SLC24A4: variants seen among roughly 807,000 people sequenced by gnomAD.
The protein encoded by SLC24A4 is solute carrier family 24 member 4, also known as sodium/potassium/calcium exchanger 4.
Under a neutral mutation model 79.0 loss-of-function variants are expected in SLC24A4, and 53 were observed. The ratio of observed to expected loss-of-function variants is 0.67; its 90% CI spans 0.54 to 0.84. The LOEUF (loss-of-function observed/expected upper bound fraction) is 0.84. SLC24A4 is among the 40% of genes least tolerant of loss of function. The probability of loss-of-function intolerance (pLI) is 0.00; values close to 1 mark genes in which losing one functional copy is unlikely to be tolerated. For missense variants in SLC24A4, 731 were observed against 822.0 expected, an observed-to-expected ratio of 0.89 and a Z score of 1.35; for synonymous variants, 323 against 323.8, an observed-to-expected ratio of 1.00 and a Z score of 0.03.
At chr14:92,489,288 A>T (rs1457834680) in intron 14 of SLC24A4, among the ~76,000 whole-genome samples, 1 of 152,078 alleles carries the variant, frequency 6.6e-6, no homozygotes, top group Admixed American at 6.5e-5. Context: ...AAATAAAAAA[A>T]ATTAGCCAGG....
intron 16 of SLC24A4, among the ~76,000 whole-genome samples, chr14:92,493,116 G>A (rs78739077): frequency 6.6e-6 from 1 of 152,034 alleles, no homozygotes; most frequent in African/African-American, 2.4e-5. Flanking sequence ...AAGCACAGGG[G>A]TCATCCAGCT....
chr14:92,427,109 C>G (rs775853907), intron 2 of SLC24A4, among the ~76,000 whole-genome samples: 1 of 152,204 alleles, frequency 6.6e-6, no homozygotes, highest in Non-Finnish European at 1.5e-5. Context: ...AATGTTCTGC[C>G]TGGTAAGACT....
chr14:92,380,018 G>C (rs1368475065), intron 2 of SLC24A4, among the ~76,000 whole-genome samples: 1 of 152,176 alleles, frequency 6.6e-6, no homozygotes, highest in Non-Finnish European at 1.5e-5. Flanking sequence ...CCTCCCACCA[G>C]CACAGCCAAT....
intron 2 of SLC24A4, among the ~76,000 whole-genome samples, chr14:92,341,662 C>T (rs1886150149): frequency 1.3e-5 from 2 of 152,134 alleles, no homozygotes; most frequent in Non-Finnish European, 2.9e-5. Context: ...GCTTGCCTCC[C>T]CTAAAGTGCT....
chr14:92,390,840 G>T (rs538684770), intron 2 of SLC24A4, among the ~76,000 whole-genome samples: 6 of 152,342 alleles, frequency 3.9e-5, no homozygotes, highest in African/African-American at 7.2e-5. Context: ...ATGCCAGCTG[G>T]TGCAGTAGGC....
At position 92,337,585 on chromosome 14, in the gene SLC24A4, A is replaced by G. The variant is rs532385181; in HGVS notation, c.241+11607A>G. Among the ~76,000 whole-genome samples, 82 of 152,322 alleles carry G rather than the reference A, an allele frequency of 5.4e-4. 2 individuals are homozygous for G. In the South Asian group the frequency reaches 0.016, roughly 30 times the overall value. ...CTGGAGCCAAACTATCTGGTTTCCA[A>G]TCCTGCTCCTGCCCTTGCTGTATTT... On this transcript the variant is annotated intron_variant, in intron 2 of 16. Coordinates refer to ENST00000532405, the MANE Select transcript of SLC24A4 (RefSeq NM_153646.4).
At chr14:92,415,763 GT>G (rs887132430) in intron 2 of SLC24A4, among the ~76,000 whole-genome samples, 40 of 151,136 alleles carry the variant, frequency 2.6e-4, no homozygotes, top group Non-Finnish European at 1.5e-5. Flanking sequence ...CGGCCTCTAT[GT>G]TTTTATTTTT....
At chr14:92,405,441 G>A (rs67253851) in intron 2 of SLC24A4, among the ~76,000 whole-genome samples, 9,991 of 152,268 alleles carry the variant, frequency 0.066, 439 homozygotes, top group Non-Finnish European at 0.093. Context: ...GCATACAGTA[G>A]CAAAGGTTGA....
At chr14:92,326,630 A>G (rs1179561800) in intron 2 of SLC24A4, among the ~76,000 whole-genome samples, 2 of 152,220 alleles carry the variant, frequency 1.3e-5, no homozygotes, top group Admixed American at 1.3e-4. Flanking sequence ...GAAGATTATC[A>G]GGAGAAGACA....
At chr14:92,448,308 T>C (rs1025345265) in intron 9 of SLC24A4, among the ~76,000 whole-genome samples, 2 of 143,632 alleles carry the variant, frequency 1.4e-5, no homozygotes. Flanking sequence ...GTAGTTAGAA[T>C]GGTTAATGTT....
chr14:92,358,538 C>A (rs1388184759), intron 2 of SLC24A4, among the ~76,000 whole-genome samples: 1 of 150,198 alleles, frequency 6.7e-6, no homozygotes, highest in African/African-American at 2.5e-5. Flanking sequence ...GCTGGCCTCC[C>A]AGACACCTCC....
chr14:92,453,695 C>T (rs1893283351), intron 10 of SLC24A4: 2 of 527,670 alleles, frequency 3.8e-6, no homozygotes, highest in South Asian at 2.8e-5. Flanking sequence ...GGGCTTCACA[C>T]ACTAGGTCAG....
rs1406033367 is a variant in SLC24A4, at chr14:92,498,386, G to GT, written c.*4760dup. 1 of 152,182 alleles carries GT rather than the reference G, an allele frequency of 6.6e-6. No homozygotes were observed. Among genetic ancestry groups the GT allele is most frequent in the Non-Finnish European group, 1.5e-5 (1 of 68,068 alleles). The allele number at this position is 152,182 out of a possible 1,614,324, so 9.4% of individuals were successfully genotyped here. ...AGGACAGAGAACACGGGATTCTGCT[G>GT]TTCGCTTTGAGCCACAGCCTTTACC... On this transcript the variant is annotated 3_prime_UTR_variant, in exon 17 of 17. Coordinates refer to ENST00000532405, the MANE Select transcript of SLC24A4 (RefSeq NM_153646.4).
At chr14:92,492,326 C>A in intron 16 of SLC24A4, 86 bp downstream of exon 16, 1 of 1,264,364 alleles carries the variant, frequency 7.9e-7, no homozygotes, top group Non-Finnish European at 1.1e-6. Context: ...ACTCTGTACA[C>A]CCCTGTCACT....
intron 2 of SLC24A4, among the ~76,000 whole-genome samples, chr14:92,419,621 A>G (rs1891170422): frequency 6.6e-6 from 1 of 152,204 alleles, no homozygotes; most frequent in Non-Finnish European, 1.5e-5. Context: ...GACACTTTTG[A>G]TAGAAGGGGT....
intron 2 of SLC24A4, among the ~76,000 whole-genome samples, chr14:92,327,917 C>T (rs1885241518): frequency 6.6e-6 from 1 of 152,184 alleles, no homozygotes; most frequent in Admixed American, 6.5e-5. Context: ...TTCCAGAATA[C>T]AGCCTGGCCC....
chr14:92,428,864 G>A (rs1205733113), intron 2 of SLC24A4, among the ~76,000 whole-genome samples: 1 of 152,230 alleles, frequency 6.6e-6, no homozygotes, highest in Non-Finnish European at 1.5e-5. Context: ...CCAAAAGTGG[G>A]ATCACCCGAC....
Position 92,495,803 on chromosome 14 carries a change from T to C in SLC24A4, c.*2175T>C, listed in dbSNP as rs1167982386. 6.6e-6 allele frequency: 1 copy of C among 152,182 alleles called. No individual in the cohort carries two copies. The highest frequency in any genetic ancestry group is 6.5e-5 in the Admixed American group (1 of 15,274). 9.4% of individuals were successfully genotyped at this position (152,182 alleles called of 1,614,324 possible). On this transcript the variant is annotated 3_prime_UTR_variant, in exon 17 of 17. Coordinates refer to ENST00000532405, the MANE Select transcript of SLC24A4 (RefSeq NM_153646.4). Reference sequence around the variant, plus strand: ...AAGTTGGCCACACTTGGGGAGTGAGTGTGGGTATGACTTTACCCTCCTGGT... The same window carrying C: ...AAGTTGGCCACACTTGGGGAGTGAGCGTGGGTATGACTTTACCCTCCTGGT...
chr14:92,493,017 C>CACACAG lies in SLC24A4; in HGVS notation c.1717-458_1717-457insCACAGA, dbSNP rs1347742588. The CACACAG allele has an allele frequency of 1.6e-3, 439 of 281,494 alleles. 10 individuals are homozygous for CACACAG. Among genetic ancestry groups the CACACAG allele is most frequent in the Non-Finnish European group, 2.5e-3 (358 of 143,902 alleles). 17.4% of individuals were successfully genotyped at this position (281,494 alleles called of 1,614,324 possible). Reference sequence around the variant, plus strand: ...ACACACACACACACACACACACACACAGAGAAAGATTTGCCCAGCCAGGGG... The same window carrying CACACAG: ...ACACACACACACACACACACACACACACACAGAGAGAAAGATTTGCCCAGCCAGGGG... On this transcript the variant is annotated intron_variant, in intron 16 of 16. Coordinates refer to ENST00000532405, the MANE Select transcript of SLC24A4 (RefSeq NM_153646.4).
Sources: allele counts gnomAD v4.1 joint callset (sites outside exome capture counted in the v4.1 genomes callset), GRCh38; gene constraint gnomAD v4.1.1; transcripts MANE v1.5; gene names NCBI Gene and HGNC (gene_info 2026-07-23, HGNC 2026-07-21).